The following ERBB3 variants were observed in gnomAD, a reference collection of about 807,000 sequenced individuals.
ERBB3 encodes the protein erb-b2 receptor tyrosine kinase 3.
ERBB3 carries 96 observed loss-of-function variants against 156.7 expected under a neutral mutation model. That is an observed-to-expected ratio of 0.61 (90% CI 0.52 to 0.73). The LOEUF is 0.73. Ranked by LOEUF, ERBB3 falls within the 30% of genes least tolerant of loss-of-function variation. The probability of loss-of-function intolerance (pLI) is 0.00; values close to 1 mark genes in which losing one functional copy is unlikely to be tolerated. For synonymous variants in ERBB3, 567 were observed against 632.0 expected, an observed-to-expected ratio of 0.90 and a Z score of 1.54; for missense variants, 1,406 against 1,709.4, an observed-to-expected ratio of 0.82 and a Z score of 3.13.
At chr12:56,094,682 T>G (rs892776867) in intron 15 of ERBB3, 126 bp downstream of exon 15, 1 of 1,149,452 alleles carries the variant, frequency 8.7e-7, no homozygotes, top group African/African-American at 1.5e-5. Context: ...CCGGGCGCAG[T>G]GGCTCACACC....
chr12:56,090,699 TACACACACACAC>T (rs112340323), intron 9 of ERBB3, among the ~76,000 whole-genome samples: 1 of 149,728 alleles, frequency 6.7e-6, no homozygotes, highest in Non-Finnish European at 1.5e-5. Context: ...TGTCTCTCTC[TACACACACACAC>T]ACACACACAA....
rs772186703 is a variant in ERBB3 at position 56,099,739 on chromosome 12, C to A, written c.2931C>A (p.Val977=). ...RMARDPPRYL[V]IKRESGPGIA... ...CCCGAGACCCACCACGGTATCTGGT[C>A]ATAAAGGTGAGTAGGGAGTAGGAGG... is the stretch of plus-strand genomic sequence containing the variant. The change falls in exon 24 of 28, where the codon GTC becomes GTA. Residue 977 remains valine, a synonymous_variant. Coordinates refer to ENST00000267101, the MANE Select transcript of ERBB3 (RefSeq NM_001982.4). The A allele has an allele frequency of 6.2e-7, 1 of 1,613,852 alleles. No homozygotes were observed. Among genetic ancestry groups the A allele is most frequent in the South Asian group, 1.1e-5 (1 of 91,032 alleles).
At chr12:56,093,730 A>C in intron 12 of ERBB3, 34 bp from the exon 13 acceptor site, 1 of 1,612,992 alleles carries the variant, frequency 6.2e-7, no homozygotes, top group Non-Finnish European at 8.5e-7. Flanking sequence ...GGGAGTCCTC[A>C]GACTCCTCTC....
At chr12:56,092,120 T>C (rs891441937) in intron 9 of ERBB3, among the ~76,000 whole-genome samples, 10 of 147,744 alleles carry the variant, frequency 6.8e-5, no homozygotes, top group African/African-American at 2.5e-4. Context: ...CCAGGTGCAG[T>C]GGCTCATGCC....
chr12:56,087,777 C>T lies in ERBB3; in HGVS notation c.614-18C>T, dbSNP rs1480710922. 2 of 1,606,810 alleles carry T rather than the reference C, an allele frequency of 1.2e-6. No individual in the cohort carries two copies. Among genetic ancestry groups the T allele is most frequent in the Non-Finnish European group, 1.7e-6 (2 of 1,173,388 alleles). Reference sequence around the variant, plus strand: ...AGTCCTAGGAGCCCTAACAGCCATGCTTTCTCTCCTTCCATAGTGACCAAG... The same window carrying T: ...AGTCCTAGGAGCCCTAACAGCCATGTTTTCTCTCCTTCCATAGTGACCAAG... On this transcript the variant is annotated intron_variant, in intron 5 of 27. Coordinates refer to ENST00000267101, the MANE Select transcript of ERBB3 (RefSeq NM_001982.4).
chr12:56,083,477 AG>A, intron 1 of ERBB3: 6 of 477,812 alleles, frequency 1.3e-5, no homozygotes, highest in Non-Finnish European at 2.3e-5. Flanking sequence ...TTAACCCCTT[AG>A]TACCCAAAAG....
intron 9 of ERBB3, among the ~76,000 whole-genome samples, chr12:56,091,396 G>A (rs375321744): frequency 2.7e-5 from 1 of 37,308 alleles, no homozygotes; most frequent in Non-Finnish European, 4.8e-5. Flanking sequence ...ATATGTGTGT[G>A]TATATATATA....
intron 19 of ERBB3, 75 bp downstream of exon 19, chr12:56,096,921 G>C (rs1406301966): frequency 7.4e-7 from 1 of 1,348,900 alleles, no homozygotes; most frequent in African/African-American, 1.4e-5. Flanking sequence ...GCAGGGTCCT[G>C]TGCTTCTCAG....
chr12:56,102,832 A>AAAC lies in ERBB3; in HGVS notation c.*778_*780dup, dbSNP rs1869167988. 9.3e-6 allele frequency: 2 copies of AAAC among 216,078 alleles called. No individual in the cohort carries two copies. The highest frequency in any genetic ancestry group is 3.8e-4 in the South Asian group (2 of 5,288). The allele number at this position is 216,078 out of a possible 1,614,324, so 13.4% of individuals were successfully genotyped here. A position where few individuals can be genotyped will look rare whatever the true frequency, so the allele number is the denominator to read the frequency against. On this transcript the variant is annotated 3_prime_UTR_variant, in exon 28 of 28. Transcript: ENST00000267101. ...AAAAAAAAAAAAAAAAAAAAAAAAA[A>AAAC]AACTTTAGAACTGGGTGCAGTGGCT... is the stretch of plus-strand genomic sequence containing the variant.
rs560422339 is a variant in ERBB3, at chr12:56,086,600, G to A, written c.491G>A (p.Arg164Lys). The change falls in exon 4 of 28, where the codon AGG becomes AAG. Residue 164 changes from arginine to lysine, a missense_variant. By Grantham distance (26) the Arg-to-Lys change is conservative (BLOSUM62 2). Around this residue, in one of 3 missense-constraint regions of ERBB3, gnomAD observed 979 missense variants for 1,219.6 expected, o/e 0.80. Coordinates refer to ENST00000267101, the MANE Select transcript of ERBB3 (RefSeq NM_001982.4). ...TGTCACATGGACACAATTGACTGGA[G>A]GGACATCGTGAGGGACCGAGATGCT... ...KLCHMDTIDW[R>K]DIVRDRDAEI... 3.3e-5 allele frequency: 53 copies of A among 1,614,120 alleles called. No homozygotes were observed. The South Asian group carries it at 4.8e-4, about 15-fold the overall frequency.
chr12:56,094,633 GAA>G, intron 15 of ERBB3, 77 bp downstream of exon 15: 1 of 1,515,306 alleles, frequency 6.6e-7, no homozygotes. Context: ...GAAGCAGAAA[GAA>G]GAGAGAGGCT....
At chr12:56,080,715 A>T (rs1365170664) in intron 1 of ERBB3, among the ~76,000 whole-genome samples, 1 of 151,958 alleles carries the variant, frequency 6.6e-6, no homozygotes, top group African/African-American at 2.4e-5. Context: ...TGTAAACAGG[A>T]GGTGCTTGGA....
At position 56,087,858 on chromosome 12, in the gene ERBB3, G is replaced by A. The variant is rs768913280; in HGVS notation, c.677G>A (p.Cys226Tyr). Residue 226 changes from cysteine (C) to tyrosine (Y), a missense_variant, in exon 6 of 28, where the codon TGC becomes TAC. Physicochemically the swap from Cys to Tyr is radical, Grantham distance 194. Coordinates refer to ENST00000267101, the MANE Select transcript of ERBB3 (RefSeq NM_001982.4). ...GHCFGPNPNQ[C>Y]CHDECAGGCS... ...TGCTTTGGGCCCAACCCCAACCAGT[G>A]CTGCCATGATGAGTGTGCCGGGGGC... 2 of 1,614,168 alleles carry A rather than the reference G, an allele frequency of 1.2e-6. No homozygotes were observed. The highest frequency in any genetic ancestry group is 1.7e-6 in the Non-Finnish European group (2 of 1,180,024).
intron 9 of ERBB3, among the ~76,000 whole-genome samples, chr12:56,091,813 T>G (rs1284834782): frequency 1.3e-5 from 2 of 152,182 alleles, no homozygotes; most frequent in Non-Finnish European, 2.9e-5. Context: ...AATGAATGTC[T>G]TGGGATAATT....
At chr12:56,092,583 T>C (rs1019902861) in intron 9 of ERBB3, among the ~76,000 whole-genome samples, 164 bp from the exon 10 acceptor site, 29 of 152,140 alleles carry the variant, frequency 1.9e-4, no homozygotes, top group African/African-American at 6.8e-4. Flanking sequence ...TTGCACAAGA[T>C]GCTCTGGGCT....
At chr12:56,095,396 C>T in intron 16 of ERBB3, 86 bp downstream of exon 16, 5 of 1,182,304 alleles carry the variant, frequency 4.2e-6, no homozygotes, top group Non-Finnish European at 6.3e-6. Context: ...GGGAGGCTGT[C>T]TTCATTCTGG....
At chr12:56,084,489 A>T (rs1339006686) in intron 2 of ERBB3, among the ~76,000 whole-genome samples, 1 of 151,724 alleles carries the variant, frequency 6.6e-6, no homozygotes, top group African/African-American at 2.4e-5. Flanking sequence ...ATGCACCTGT[A>T]GTCCCAGCTA....
rs2136831703 is a variant in ERBB3, at chr12:56,101,982, C to T, written c.3956C>T (p.Thr1319Ile). The T allele has an allele frequency of 1.9e-6, 3 of 1,613,836 alleles. No individual in the cohort carries two copies. The highest frequency in any genetic ancestry group is 2.5e-6 in the Non-Finnish European group (3 of 1,179,978). ...RLKTLRSLEA[T>I]DSAFDNPDYW... ...AAAACTCTACGTAGCTTAGAGGCTA[C>T]AGACTCTGCCTTTGATAACCCTGAT... is the stretch of plus-strand genomic sequence containing the variant. The change falls in exon 28 of 28, where the codon ACA becomes ATA. Residue 1319 changes from threonine (T) to isoleucine (I), a missense_variant. Physicochemically the swap from Thr to Ile is moderately conservative, Grantham distance 89 (BLOSUM62 -1). Around this residue, in one of 3 missense-constraint regions of ERBB3, gnomAD observed 415 missense variants for 454.1 expected, o/e 0.91. Coordinates refer to ENST00000267101, the MANE Select transcript of ERBB3 (RefSeq NM_001982.4).
intron 17 of ERBB3, 84 bp downstream of exon 17, chr12:56,095,890 C>A: frequency 6.9e-7 from 1 of 1,440,610 alleles, no homozygotes; most frequent in Non-Finnish European, 9.8e-7. Flanking sequence ...TTGAGTGGTA[C>A]CCTGTGCACC....
Sources: gnomAD v4.1 joint callset for allele counts (sites outside exome capture counted in the v4.1 genomes callset) on GRCh38, gnomAD v4.1.1 for gene constraint, gnomAD v4.1.1 regional missense constraint, MANE v1.5 for transcripts, NCBI Gene and HGNC (gene_info 2026-07-23, HGNC 2026-07-21) for gene names.